NFATC2: variants seen among roughly 807,000 people sequenced by gnomAD.
NFATC2 encodes nuclear factor of activated T cells 2.
A neutral mutation model predicts 87.3 loss-of-function variants in NFATC2; 22 were observed. The ratio of observed to expected loss-of-function variants is 0.25; its 90% CI spans 0.18 to 0.36. The LOEUF (loss-of-function observed/expected upper bound fraction) is 0.36, where lower values mean the gene tolerates loss of function less well. NFATC2 is among the 10% of genes least tolerant of loss of function. The pLI is 1.00. For missense variants in NFATC2, 1,149 were observed against 1,259.1 expected (o/e 0.91, Z 1.32); for synonymous variants, 565 against 542.2 (o/e 1.04, Z -0.58).
At chr20:51,397,341 A>AACCCTCAATAGG (rs1172094253) in intron 10 of NFATC2, among the ~76,000 whole-genome samples, 1 of 149,326 alleles carries the variant, frequency 6.7e-6, no homozygotes, top group Non-Finnish European at 1.5e-5. Flanking sequence ...AAGAACATAA[A>AACCCTCAATAGG]ACCCTCAATA....
At chr20:51,483,958 T>C (rs1989492674) in intron 3 of NFATC2, among the ~76,000 whole-genome samples, 1 of 151,910 alleles carries the variant, frequency 6.6e-6, no homozygotes, top group East Asian at 1.9e-4. Context: ...CTTAAAATGG[T>C]AAGTTAGAGC....
chr20:51,441,175 C>T (rs1288313859), intron 6 of NFATC2, among the ~76,000 whole-genome samples: 1 of 151,744 alleles, frequency 6.6e-6, no homozygotes, highest in Non-Finnish European at 1.5e-5. Flanking sequence ...CCCAGCTACT[C>T]GGGAGGCTGA....
At chr20:51,459,724 C>T (rs759569651) in intron 5 of NFATC2, among the ~76,000 whole-genome samples, 36 of 152,040 alleles carry the variant, frequency 2.4e-4, no homozygotes, top group Non-Finnish European at 4.4e-4. Flanking sequence ...CTAAAAACTA[C>T]AAAAATTGGC....
chr20:51,487,755 T>C (rs1256221014), intron 3 of NFATC2, among the ~76,000 whole-genome samples: 1 of 151,818 alleles, frequency 6.6e-6, no homozygotes, highest in Non-Finnish European at 1.5e-5. Context: ...CCAAAGACTG[T>C]GCAGGTCTCT....
At chr20:51,455,702 G>A (rs1159966213) in intron 5 of NFATC2, among the ~76,000 whole-genome samples, 1 of 61,814 alleles carries the variant, frequency 1.6e-5, no homozygotes, top group South Asian at 5.7e-4. Context: ...GGAGGAGAAC[G>A]TACTAGTTGG....
chr20:51,523,638 C>A lies in NFATC2; in HGVS notation c.603G>T (p.Leu201=), dbSNP rs1159025520. 1.9e-6 allele frequency: 3 copies of A among 1,613,822 alleles called. No homozygotes were observed. The South Asian group carries it at 3.3e-5, about 18-fold the overall frequency. ...VSPNNGGPDD[L]CPQFQNIPAH... ...CAGGGATGTTTTGAAACTGCGGACA[C>A]AGGTCGTCGGGCCCGCCGTTATTGG... The change falls in exon 2 of 11, where the codon CTG becomes CTT. Residue 201 remains leucine (L), a synonymous_variant. Coordinates refer to ENST00000371564, the MANE Select transcript of NFATC2 (RefSeq NM_012340.5). The surrounding 1 kb of genome is among the most constrained non-coding windows in gnomAD (Gnocchi z 6.9).
intron 3 of NFATC2, among the ~76,000 whole-genome samples, chr20:51,481,353 G>C (rs1026322537): frequency 1.3e-5 from 2 of 151,960 alleles, no homozygotes; most frequent in Non-Finnish European, 2.9e-5. Flanking sequence ...GCCTTTTCAG[G>C]CTTCTCCAAA....
chr20:51,550,756 T>G (rs2076926314), intron 1 of NFATC2, among the ~76,000 whole-genome samples: 1 of 152,180 alleles, frequency 6.6e-6, no homozygotes, highest in African/African-American at 2.4e-5. Flanking sequence ...GACTACTTTA[T>G]AATGAGGTGT....
intron 1 of NFATC2, among the ~76,000 whole-genome samples, chr20:51,535,138 T>G (rs1371668452): frequency 1.3e-5 from 2 of 152,184 alleles, no homozygotes; most frequent in African/African-American, 4.8e-5. Context: ...GAAGGAAAGA[T>G]TTGGTCAGAA....
rs1446628670 is a variant in NFATC2 at position 51,525,332 on chromosome 20, C to T, written c.131-1222G>A. 2.0e-5 allele frequency among the ~76,000 whole-genome samples: 3 copies of T among 152,256 alleles called. No homozygotes were observed. The South Asian group carries it at 6.2e-4, about 32-fold the overall frequency. On this transcript the variant is annotated intron_variant, in intron 1 of 10. Transcript: ENST00000371564. ...GGCTCCTGCTGCCACCTCGAAAGGC[C>T]CTACCGCTGCAGAATGCTGTTCAAG...
chr20:51,493,540 T>C (rs1207078256), intron 3 of NFATC2, among the ~76,000 whole-genome samples: 2 of 152,288 alleles, frequency 1.3e-5, no homozygotes, highest in Middle Eastern at 6.8e-3. Context: ...AAGCCTCTCA[T>C]TACTTGAGCA....
Position 51,542,657 on chromosome 20 carries a change from C to A in NFATC2, c.-158G>T. The A allele has an allele frequency of 8.9e-7, 1 of 1,120,718 alleles. No individual in the cohort carries two copies. Among genetic ancestry groups the A allele is most frequent in the Non-Finnish European group, 1.1e-6 (1 of 916,594 alleles). 69.4% of individuals were successfully genotyped at this position (1,120,718 alleles called of 1,614,324 possible). Reference sequence around the variant, plus strand: ...TCCGGGGACGGCGCGCCTGGCGCAGCGGGTCCTGGACGCGCCCGGGGAAGC... The same window carrying A: ...TCCGGGGACGGCGCGCCTGGCGCAGAGGGTCCTGGACGCGCCCGGGGAAGC... On this transcript the variant is annotated 5_prime_UTR_variant, in exon 1 of 11. Coordinates refer to ENST00000371564, the MANE Select transcript of NFATC2 (RefSeq NM_012340.5).
At chr20:51,402,992 T>G (rs955837159) in intron 9 of NFATC2, among the ~76,000 whole-genome samples, 3 of 152,184 alleles carry the variant, frequency 2.0e-5, no homozygotes, top group Non-Finnish European at 4.4e-5. Flanking sequence ...TCATTCTATG[T>G]TTACCCACAT....
At chr20:51,404,120 G>A (rs1467044447) in intron 9 of NFATC2, among the ~76,000 whole-genome samples, 1 of 152,076 alleles carries the variant, frequency 6.6e-6, no homozygotes, top group Non-Finnish European at 1.5e-5. Context: ...TTTTTCCTCT[G>A]CATCTGAATC....
chr20:51,391,476 G>T lies in NFATC2; in HGVS notation c.*45-25C>A, dbSNP rs201615099. 70 of 1,585,372 alleles carry T rather than the reference G, an allele frequency of 4.4e-5. 1 individual carries two copies. The highest frequency in any genetic ancestry group is 3.0e-4 in the South Asian group (27 of 90,416). ...ACTACAAAAGAAAAGAGGAGGGGGGGGGAGAGAGAATGGGGCAAGTGAGAG... is the reference window on the plus strand; with the variant it reads ...ACTACAAAAGAAAAGAGGAGGGGGGTGGAGAGAGAATGGGGCAAGTGAGAG... On this transcript the variant is annotated intron_variant, in intron 10 of 10. Coordinates refer to ENST00000371564, the MANE Select transcript of NFATC2 (RefSeq NM_012340.5).
At chr20:51,452,580 G>A (rs2146419617) in intron 6 of NFATC2, among the ~76,000 whole-genome samples, 1 of 152,250 alleles carries the variant, frequency 6.6e-6, no homozygotes, top group Non-Finnish European at 1.5e-5. Flanking sequence ...CATCCAAGAA[G>A]GCCCATGGGT....
At chr20:51,406,583 G>A (rs947809425) in intron 9 of NFATC2, among the ~76,000 whole-genome samples, 6 of 152,298 alleles carry the variant, frequency 3.9e-5, no homozygotes, top group South Asian at 2.1e-4. Flanking sequence ...GAGGCGCCCC[G>A]GCTTGCTTCC....
At chr20:51,406,356 C>CAT (rs1291361992) in intron 9 of NFATC2, among the ~76,000 whole-genome samples, 1 of 135,026 alleles carries the variant, frequency 7.4e-6, no homozygotes, top group South Asian at 2.6e-4. Flanking sequence ...AAATCACCCA[C>CAT]ATGGTACACA....
intron 6 of NFATC2, among the ~76,000 whole-genome samples, chr20:51,443,811 C>T (rs1265969857): frequency 6.6e-6 from 1 of 151,972 alleles, no homozygotes; most frequent in Admixed American, 6.6e-5. Context: ...GGACTGGCAG[C>T]CGGTGTGAAA....
Sources: gnomAD v4.1 joint callset for allele counts (sites outside exome capture counted in the v4.1 genomes callset) on GRCh38, gnomAD v4.1.1 for gene constraint, Gnocchi (gnomAD v3.1) non-coding constraint, MANE v1.5 for transcripts, NCBI Gene and HGNC (gene_info 2026-07-23, HGNC 2026-07-21) for gene names.